Variants in CPEB3 observed in about 807,000 individuals in gnomAD.
CPEB3 encodes the protein cytoplasmic polyadenylation element-binding protein 3.
In CPEB3, 20 loss-of-function variants were observed where a neutral mutation model predicts 67.2. The observed-to-expected ratio is 0.30, with a 90% CI of 0.21 to 0.43. The LOEUF (loss-of-function observed/expected upper bound fraction) is 0.43. Among genes scored for constraint, CPEB3 ranks in the 20% least tolerant of loss-of-function variants. The pLI, the probability that CPEB3 is intolerant of heterozygous loss-of-function variation, is 1.00. For missense variants in CPEB3, 746 were observed against 968.6 expected (o/e 0.77, Z 3.05); for synonymous variants, 376 against 393.1 (o/e 0.96, Z 0.51).
In CPEB3 at chr10:92,261,437, C is replaced by CTGTTT. The variant is rs546721297; in HGVS notation, c.-11-21081_-11-21077dup. Reference sequence around the variant, plus strand: ...TGTCCAAAGGAAGGGGTCCCTTTTTCTGTTTTGTTTTGTTTTGTTTTGTTT... The same window carrying CTGTTT: ...TGTCCAAAGGAAGGGGTCCCTTTTTCTGTTTTGTTTTGTTTTGTTTTGTTTTGTTT... On this transcript the variant is annotated intron_variant, in intron 1 of 9. Coordinates refer to ENST00000265997, the MANE Select transcript of CPEB3 (RefSeq NM_014912.5). Among the ~76,000 whole-genome samples, 578 of 151,848 alleles carry CTGTTT rather than the reference C, an allele frequency of 3.8e-3. 1 individual carries two copies. The highest frequency in any genetic ancestry group is 0.013 in the African/African-American group (521 of 41,460).
At chr10:92,223,749 A>ATTT (rs377483708) in intron 2 of CPEB3, among the ~76,000 whole-genome samples, 2 of 111,438 alleles carry the variant, frequency 1.8e-5, no homozygotes, top group African/African-American at 3.3e-5. Flanking sequence ...AATTTTTGTA[A>ATTT]TTTTTTTTTT....
chr10:92,245,299 A>T (rs1011982784), intron 1 of CPEB3, among the ~76,000 whole-genome samples: 2 of 151,884 alleles, frequency 1.3e-5, no homozygotes, highest in Admixed American at 1.3e-4. Context: ...CACCATGCCC[A>T]GCTAATTTTT....
intron 1 of CPEB3, among the ~76,000 whole-genome samples, chr10:92,240,923 G>C (rs947968025): frequency 1.3e-5 from 2 of 152,092 alleles, no homozygotes; most frequent in African/African-American, 2.4e-5. Flanking sequence ...TCTTGCGTTG[G>C]TAATTGTTTC....
chr10:92,159,002 C>T (rs192330899), intron 4 of CPEB3, among the ~76,000 whole-genome samples: 1 of 152,332 alleles, frequency 6.6e-6, no homozygotes, highest in Admixed American at 6.5e-5. Context: ...TGGCTCACAC[C>T]TGTAATCCCA....
chr10:92,203,088 C>G (rs1369195719), intron 2 of CPEB3, among the ~76,000 whole-genome samples: 1 of 151,020 alleles, frequency 6.6e-6, no homozygotes, highest in Non-Finnish European at 1.5e-5. Flanking sequence ...ATTACAGGCA[C>G]GTGCCACAAA....
intron 6 of CPEB3, among the ~76,000 whole-genome samples, chr10:92,136,035 T>C (rs1292487916): frequency 2.0e-5 from 3 of 151,884 alleles, no homozygotes; most frequent in Middle Eastern, 3.4e-3. Flanking sequence ...GGGGGAGGGA[T>C]AGCATTAGGA....
chr10:92,120,391 T>C (rs186971640), intron 6 of CPEB3, among the ~76,000 whole-genome samples: 404 of 152,230 alleles, frequency 2.7e-3, no homozygotes, highest in Non-Finnish European at 4.1e-3. Context: ...GAGACCATCC[T>C]GGCTAACACG....
At chr10:92,191,142 T>C (rs2134166764) in intron 3 of CPEB3, among the ~76,000 whole-genome samples, 2 of 152,180 alleles carry the variant, frequency 1.3e-5, no homozygotes, top group Admixed American at 1.3e-4. Context: ...CCGGGTGCGG[T>C]GGCACTCCCA....
chr10:92,143,289 C>G (rs1170127189), intron 5 of CPEB3, among the ~76,000 whole-genome samples, 171 bp from the exon 6 acceptor site: 1 of 152,138 alleles, frequency 6.6e-6, no homozygotes, highest in East Asian at 1.9e-4. Flanking sequence ...CTTGGGTGTA[C>G]ATTTGGTTAT....
intron 9 of CPEB3, among the ~76,000 whole-genome samples, chr10:92,071,808 A>G (rs1420198015): frequency 6.6e-6 from 1 of 152,074 alleles, no homozygotes; most frequent in East Asian, 1.9e-4. Context: ...TAAAAGAATT[A>G]CCCATTTTCA....
intron 8 of CPEB3, among the ~76,000 whole-genome samples, chr10:92,087,894 A>G (rs1843439784): frequency 6.6e-6 from 1 of 152,166 alleles, no homozygotes; most frequent in African/African-American, 2.4e-5. Flanking sequence ...ATTACCCTGT[A>G]CTGACTCTAA....
At chr10:92,258,089 A>AT in intron 1 of CPEB3, among the ~76,000 whole-genome samples, 1 of 148,026 alleles carries the variant, frequency 6.8e-6, no homozygotes, top group East Asian at 2.0e-4. Context: ...TAATATATGT[A>AT]TTTTTTTCTT....
intron 2 of CPEB3, among the ~76,000 whole-genome samples, chr10:92,194,305 TG>T (rs1849126926): frequency 6.6e-6 from 1 of 151,806 alleles, no homozygotes; most frequent in African/African-American, 2.4e-5. Flanking sequence ...CTGGGCATGC[TG>T]GTGCGTGCCT....
rs189555796 is a variant in CPEB3 at position 92,056,077 on chromosome 10, T to C, written c.1870-3638A>G. Among the ~76,000 whole-genome samples the C allele has an allele frequency of 2.0e-5, 3 of 152,304 alleles. No individual in the cohort carries two copies. The East Asian group carries it at 5.8e-4, about 29-fold the overall frequency. On this transcript the variant is annotated intron_variant, in intron 9 of 9. Transcript: ENST00000265997. Reference sequence around the variant, plus strand: ...AAGAACGTGGCTTTTGGATTGTGACTGTGCTCTCAGAGGCCTTTCCTGAAA... The same window carrying C: ...AAGAACGTGGCTTTTGGATTGTGACCGTGCTCTCAGAGGCCTTTCCTGAAA...
At chr10:92,149,631 A>C (rs1846863446) in intron 4 of CPEB3, among the ~76,000 whole-genome samples, 1 of 152,200 alleles carries the variant, frequency 6.6e-6, no homozygotes, top group Admixed American at 6.5e-5. Context: ...TTAAAACCAA[A>C]CCTCTGTCTT....
chr10:92,239,552 C>G lies in CPEB3; in HGVS notation c.799G>C (p.Asp267His), dbSNP rs764365268. ...NPWGGLQAGR[D>H]PRRAVGVGVG... ...CCCACACCGACCGCCCGGCGAGGGT[C>G]CCGGCCCGCCTGCAGGCCGCCCCAG... Residue 267 changes from aspartate (D) to histidine (H), a missense_variant, in exon 2 of 10, where the codon GAC (aspartate) becomes CAC (histidine). Transcript: ENST00000265997. This position sits in a 1 kb window ranked among gnomAD's most constrained non-coding sequence, Gnocchi z 6.0. 6.4e-7 allele frequency: 1 copy of G among 1,556,146 alleles called. No individual in the cohort carries two copies. Among genetic ancestry groups the G allele is most frequent in the African/African-American group, 1.4e-5 (1 of 73,640 alleles).
chr10:92,139,060 C>T (rs1846257019), intron 6 of CPEB3, among the ~76,000 whole-genome samples: 1 of 151,930 alleles, frequency 6.6e-6, no homozygotes, highest in Admixed American at 6.6e-5. Flanking sequence ...GGTGGATCAC[C>T]TGAGGTTGGG....
chr10:92,281,894 C>T (rs1004705071), intron 1 of CPEB3, among the ~76,000 whole-genome samples: 3 of 152,126 alleles, frequency 2.0e-5, no homozygotes, highest in East Asian at 1.9e-4. Context: ...TAAATGCTAA[C>T]GCAGTGAAAA....
intron 3 of CPEB3, among the ~76,000 whole-genome samples, chr10:92,183,583 C>G (rs910981997): frequency 6.6e-6 from 1 of 152,132 alleles, no homozygotes; most frequent in Non-Finnish European, 1.5e-5. Context: ...TTACTCTAAA[C>G]CAGCTTTCAT....
Sources: gnomAD v4.1 joint callset for allele counts (sites outside exome capture counted in the v4.1 genomes callset) on GRCh38, gnomAD v4.1.1 for gene constraint, Gnocchi (gnomAD v3.1) non-coding constraint, MANE v1.5 for transcripts, NCBI Gene and HGNC (gene_info 2026-07-23, HGNC 2026-07-21) for gene names.